The following MNAT1 variants were observed in gnomAD, a reference collection of about 807,000 sequenced individuals.
The protein encoded by MNAT1 is CDK-activating kinase assembly factor MAT1.
A neutral mutation model predicts 42.0 loss-of-function variants in MNAT1; 43 were observed. The ratio of observed to expected loss-of-function variants is 1.02; its 90% CI spans 0.80 to 1.32. MNAT1 has a LOEUF of 1.32. MNAT1 is among the 40% of genes most tolerant of loss of function. The probability of loss-of-function intolerance (pLI) is 0.00; values close to 1 mark genes in which losing one functional copy is unlikely to be tolerated. For missense variants in MNAT1, 306 were observed against 350.4 expected (o/e 0.87, Z 1.01); for synonymous variants, 118 against 120.0 (o/e 0.98, Z 0.11).
intron 6 of MNAT1, among the ~76,000 whole-genome samples, chr14:60,837,570 G>C (rs1267452041): frequency 1.3e-5 from 2 of 152,244 alleles, no homozygotes; most frequent in African/African-American, 2.4e-5. Flanking sequence ...ACCAGGCCCA[G>C]TGAGATGAAC....
rs552199173 is a variant in MNAT1, at chr14:60,911,252, T to G, written c.809+31417T>G. On this transcript the variant is annotated intron_variant, in intron 7 of 7. Transcript: ENST00000261245. ...TAGTCTTGCTAGCAGTCTATCAATT[T>G]TGTTGATCTTTTCAAAAAACCAGCT... 6.6e-5 allele frequency among the ~76,000 whole-genome samples: 10 copies of G among 152,294 alleles called. No individual in the cohort carries two copies. In the South Asian group the frequency reaches 1.9e-3, roughly 28 times the overall value.
At chr14:60,945,751 G>A (rs1046289126) in intron 7 of MNAT1, among the ~76,000 whole-genome samples, 1 of 152,118 alleles carries the variant, frequency 6.6e-6, no homozygotes, top group African/African-American at 2.4e-5. Flanking sequence ...GAGAGAAGCT[G>A]GAGAAGATCC....
At chr14:60,778,105 C>A (rs982003659) in intron 1 of MNAT1, among the ~76,000 whole-genome samples, 2 of 152,166 alleles carry the variant, frequency 1.3e-5, no homozygotes, top group Non-Finnish European at 2.9e-5. Context: ...CTACTTGATG[C>A]TTGCTCTGCT....
chr14:60,761,817 A>G (rs1411426570), intron 1 of MNAT1, among the ~76,000 whole-genome samples: 6 of 152,200 alleles, frequency 3.9e-5, no homozygotes, highest in African/African-American at 7.2e-5. Flanking sequence ...CACTAATTAA[A>G]TGTGTTATGA....
chr14:60,746,590 C>G (rs538031627), intron 1 of MNAT1, among the ~76,000 whole-genome samples: 2 of 150,520 alleles, frequency 1.3e-5, no homozygotes, highest in African/African-American at 4.9e-5. Context: ...TAAAACTATT[C>G]GTATTAGCTG....
intron 7 of MNAT1, among the ~76,000 whole-genome samples, chr14:60,897,791 T>C (rs1037834374): frequency 6.6e-6 from 1 of 152,204 alleles, no homozygotes; most frequent in Non-Finnish European, 1.5e-5. Flanking sequence ...TATAACATAT[T>C]GTTGCTAACT....
rs185501676 is a variant in MNAT1 at position 60,770,764 on chromosome 14, G to C, written c.90-25453G>C. Among the ~76,000 whole-genome samples the C allele has an allele frequency of 1.3e-5, 2 of 151,972 alleles. 1 individual carries two copies. The highest frequency in any genetic ancestry group is 2.9e-5 in the Non-Finnish European group (2 of 67,984). On this transcript the variant is annotated intron_variant, in intron 1 of 7. Transcript: ENST00000261245. ...TTATATTTCTACCAAAAGGCACAAG[G>C]GTTCTTAATTTGTATATTTGTTCTT... is the stretch of plus-strand genomic sequence containing the variant.
At chr14:60,845,451 C>T (rs929198034) in intron 6 of MNAT1, among the ~76,000 whole-genome samples, 1 of 151,966 alleles carries the variant, frequency 6.6e-6, no homozygotes, top group Non-Finnish European at 1.5e-5. Context: ...AGCAAATTCC[C>T]AGCACTCTGC....
chr14:60,830,676 T>C (rs770523278), intron 6 of MNAT1, among the ~76,000 whole-genome samples: 3 of 152,168 alleles, frequency 2.0e-5, no homozygotes. Context: ...GAGTTAACTG[T>C]GGTTTTTGTG....
chr14:60,937,711 G>A (rs1187195641), intron 7 of MNAT1, among the ~76,000 whole-genome samples: 6 of 151,966 alleles, frequency 3.9e-5, no homozygotes, highest in African/African-American at 7.3e-5. Context: ...TTGGCGATGC[G>A]GGCTCTTTTT....
chr14:60,746,913 TATATATATATACACACACACACAC>T (rs1381656006), intron 1 of MNAT1, among the ~76,000 whole-genome samples: 4 of 26,304 alleles, frequency 1.5e-4, no homozygotes, highest in East Asian at 1.5e-3. Context: ...TATATATATA[TATATATATATACACACACACACAC>T]ACACACACAC....
intron 7 of MNAT1, among the ~76,000 whole-genome samples, chr14:60,938,438 T>C (rs139648350): frequency 0.017 from 2,629 of 151,978 alleles, 41 homozygotes; most frequent in Admixed American, 0.022. Context: ...TAGCATGAAG[T>C]GTTGTTGAGT....
chr14:60,845,616 A>G (rs1234743440), intron 6 of MNAT1, among the ~76,000 whole-genome samples: 1 of 152,104 alleles, frequency 6.6e-6, no homozygotes. Context: ...AGAGATCTGC[A>G]ACCATAATCT....
chr14:60,783,061 G>A (rs917432225), intron 1 of MNAT1, among the ~76,000 whole-genome samples: 5 of 152,186 alleles, frequency 3.3e-5, no homozygotes, highest in African/African-American at 1.2e-4. Context: ...ATGTTCGTAG[G>A]TGATGATAAT....
At chr14:60,874,069 CT>C (rs1229319290) in intron 6 of MNAT1, among the ~76,000 whole-genome samples, 15 of 152,172 alleles carry the variant, frequency 9.9e-5, no homozygotes, top group African/African-American at 2.9e-4. Flanking sequence ...TAAAGGTTTA[CT>C]AAATTGCTTT....
intron 7 of MNAT1, 26 bp from the exon 8 acceptor site, chr14:60,968,203 A>G (rs992315382): frequency 1.2e-5 from 18 of 1,550,298 alleles, no homozygotes; most frequent in African/African-American, 4.1e-5. Flanking sequence ...TTGTATATCA[A>G]TGCTACACTT....
At chr14:60,880,829 A>T (rs2034534416) in intron 7 of MNAT1, among the ~76,000 whole-genome samples, 1 of 152,196 alleles carries the variant, frequency 6.6e-6, no homozygotes, top group Non-Finnish European at 1.5e-5. Context: ...TGCAAGCATG[A>T]AGCCAACAGG....
At chr14:60,769,053 C>T (rs1016250204) in intron 1 of MNAT1, among the ~76,000 whole-genome samples, 1 of 152,050 alleles carries the variant, frequency 6.6e-6, no homozygotes, top group African/African-American at 2.4e-5. Context: ...GCACTAACCC[C>T]CTGGGTTGAG....
intron 7 of MNAT1, among the ~76,000 whole-genome samples, chr14:60,897,647 C>T (rs2034984969): frequency 6.6e-6 from 1 of 152,002 alleles, no homozygotes; most frequent in African/African-American, 2.4e-5. Context: ...TTATGGGGTA[C>T]ATGTGAATAT....
Sources: gnomAD v4.1 joint callset for allele counts (sites outside exome capture counted in the v4.1 genomes callset) on GRCh38, gnomAD v4.1.1 for gene constraint, MANE v1.5 for transcripts, NCBI Gene and HGNC (gene_info 2026-07-23, HGNC 2026-07-21) for gene names.